SNX16: variants seen among roughly 807,000 people sequenced by gnomAD.
The protein encoded by SNX16 is sorting nexin 16, also known as sorting nexin-16.
Under a neutral mutation model 36.7 loss-of-function variants are expected in SNX16, and 35 were observed. That is an observed-to-expected ratio of 0.95 (90% confidence interval 0.73 to 1.27). The LOEUF is 1.27. SNX16 is among the 50% of genes most tolerant of loss of function. The pLI is 0.00. For missense variants in SNX16, 367 were observed against 393.6 expected, an observed-to-expected ratio of 0.93 and a Z score of 0.57; for synonymous variants, 134 against 132.0, an observed-to-expected ratio of 1.02 and a Z score of -0.10.
At position 81,801,437 on chromosome 8, in the gene SNX16, G is replaced by T; in HGVS notation, c.*60C>A. ...AGTTCTTGGTTCTTCTTTTAAAATAGTATTTGCCACTCTTCTAAATTTTTG... is the reference window on the plus strand; with the variant it reads ...AGTTCTTGGTTCTTCTTTTAAAATATTATTTGCCACTCTTCTAAATTTTTG... On this transcript the variant is annotated 3_prime_UTR_variant, in exon 8 of 8. Transcript: ENST00000345957. 2.2e-6 allele frequency: 2 copies of T among 915,868 alleles called. No homozygotes were observed. Among genetic ancestry groups the T allele is most frequent in the Non-Finnish European group, 3.3e-6 (2 of 605,130 alleles). The allele number at this position is 915,868 out of a possible 1,614,324, so 56.7% of individuals were successfully genotyped here.
At position 81,802,380 on chromosome 8, in the gene SNX16, C is replaced by A; in HGVS notation, c.938G>T (p.Arg313Ile). The A allele has an allele frequency of 6.3e-7, 1 of 1,599,540 alleles. No homozygotes were observed. The highest frequency in any genetic ancestry group is 8.5e-7 in the Non-Finnish European group (1 of 1,173,406). ...CTATCATAAATGAAATATTATATACCTAGATTCTTCATCCAGGACATCTTG... is the reference window on the plus strand; with the variant it reads ...CTATCATAAATGAAATATTATATACATAGATTCTTCATCCAGGACATCTTG... ...VDQDVLDEES[R>I]ADNKPCLSFS... The change falls in exon 7 of 8, where the codon AGA becomes ATA. Residue 313 changes from arginine to isoleucine, a missense_variant and splice_region_variant. By Grantham distance (97) the Arg-to-Ile change is moderately conservative (BLOSUM62 -3). Transcript: ENST00000345957.
intron 2 of SNX16, among the ~76,000 whole-genome samples, chr8:81,830,747 A>T (rs1006591740): frequency 6.6e-6 from 1 of 152,148 alleles, no homozygotes; most frequent in Non-Finnish European, 1.5e-5. Flanking sequence ...CATTCTCCAC[A>T]GAATTAGAAA....
In SNX16 at chr8:81,839,223, C is replaced by T. The variant is rs142673236; in HGVS notation, c.375+389G>A. On this transcript the variant is annotated intron_variant, in intron 2 of 7. Transcript: ENST00000345957. ...AAGCTGGGCATGTAATTTGGCAAGG[C>T]TAAAGAAAAGAGACCAGATGCAAAA... Among the ~76,000 whole-genome samples the T allele has an allele frequency of 3.0e-3, 449 of 152,084 alleles. 2 individuals are homozygous for T. Among genetic ancestry groups the T allele is most frequent in the African/African-American group, 0.01 (433 of 41,484 alleles).
chr8:81,805,567 G>A (rs552715124), intron 5 of SNX16, among the ~76,000 whole-genome samples: 1 of 152,140 alleles, frequency 6.6e-6, no homozygotes, highest in African/African-American at 2.4e-5. Context: ...AAAACAGTGA[G>A]ATTCAAAGTG....
At chr8:81,841,835 A>C (rs1413756111) in intron 1 of SNX16, 1 of 152,152 alleles carries the variant, frequency 6.6e-6, no homozygotes, top group Non-Finnish European at 1.5e-5. Context: ...CTCGGAAGGT[A>C]AGGCCGGGGT....
At chr8:81,839,532 AT>A in intron 2 of SNX16, 79 bp downstream of exon 2, 1 of 1,315,424 alleles carries the variant, frequency 7.6e-7, no homozygotes. Context: ...ACAAGTTTAC[AT>A]TAATTTAACA....
Position 81,811,574 on chromosome 8 carries a change from TGAG to T in SNX16, c.681+3748_681+3750del, listed in dbSNP as rs60962005. ...AAGAAAGCCAGGCTTAAAAATAAAATGAGGAAAAAAACACTGAGAAAAGACATC... is the reference window on the plus strand; with the variant it reads ...AAGAAAGCCAGGCTTAAAAATAAAATGAAAAAAACACTGAGAAAAGACATC... On this transcript the variant is annotated intron_variant, in intron 5 of 7. Transcript: ENST00000345957. Among the ~76,000 whole-genome samples, 1,388 of 151,814 alleles carry T rather than the reference TGAG, an allele frequency of 9.1e-3. 27 individuals carry two copies. Among genetic ancestry groups the T allele is most frequent in the African/African-American group, 0.031 (1,278 of 41,380 alleles).
intron 2 of SNX16, among the ~76,000 whole-genome samples, chr8:81,838,524 G>A (rs918736127): frequency 7.2e-4 from 109 of 150,766 alleles, no homozygotes; most frequent in East Asian, 3.9e-4. Flanking sequence ...AAAATGAAGA[G>A]GAGAGAGAGT....
intron 2 of SNX16, among the ~76,000 whole-genome samples, chr8:81,832,349 T>C (rs185196152): frequency 6.6e-6 from 1 of 152,136 alleles, no homozygotes; most frequent in East Asian, 1.9e-4. Flanking sequence ...CACTTATAAG[T>C]GGGAGGTAAA....
chr8:81,802,524 T>C (rs1809749651), intron 6 of SNX16, 25 bp from the exon 7 acceptor site: 1 of 1,587,486 alleles, frequency 6.3e-7, no homozygotes, highest in Admixed American at 1.8e-5. Context: ...TAGCAACAAG[T>C]TATTTTCTAT....
intron 2 of SNX16, among the ~76,000 whole-genome samples, chr8:81,837,949 T>C (rs1811563693): frequency 6.6e-6 from 1 of 152,236 alleles, no homozygotes; most frequent in Admixed American, 6.5e-5. Context: ...CCTCCCATCC[T>C]GTCATAAATT....
At chr8:81,807,647 T>G in intron 5 of SNX16, 1 of 438,858 alleles carries the variant, frequency 2.3e-6, no homozygotes, top group East Asian at 4.5e-5. Flanking sequence ...TAAATGAGGT[T>G]GGGATCACTG....
intron 3 of SNX16, among the ~76,000 whole-genome samples, chr8:81,827,570 G>A (rs561021894): frequency 2.0e-5 from 3 of 152,066 alleles, no homozygotes; most frequent in East Asian, 1.9e-4. Context: ...TATAACTGTA[G>A]GTATACATTA....
chr8:81,806,412 A>T (rs971525014), intron 5 of SNX16, among the ~76,000 whole-genome samples: 13 of 152,214 alleles, frequency 8.5e-5, no homozygotes, highest in Non-Finnish European at 1.3e-4. Context: ...AAAAAAACCC[A>T]TATGATCATC....
At chr8:81,835,462 C>T (rs1811453750) in intron 2 of SNX16, among the ~76,000 whole-genome samples, 1 of 152,210 alleles carries the variant, frequency 6.6e-6, no homozygotes, top group African/African-American at 2.4e-5. Context: ...TTCTATTGCA[C>T]TGTCAGGCTG....
intron 5 of SNX16, among the ~76,000 whole-genome samples, chr8:81,807,476 G>A (rs548871031): frequency 4.7e-5 from 6 of 128,346 alleles, no homozygotes; most frequent in South Asian, 2.5e-4. Flanking sequence ...CCAAGATGGC[G>A]CCACTGCACT....
At chr8:81,838,660 G>A (rs1811604098) in intron 2 of SNX16, among the ~76,000 whole-genome samples, 1 of 151,340 alleles carries the variant, frequency 6.6e-6, no homozygotes, top group African/African-American at 2.4e-5. Context: ...AATGTGAAAG[G>A]TCCAACAATA....
intron 5 of SNX16, among the ~76,000 whole-genome samples, chr8:81,813,575 T>C (rs1379717862): frequency 6.6e-6 from 1 of 151,622 alleles, no homozygotes; most frequent in African/African-American, 2.4e-5. Context: ...ATTAAAAAAG[T>C]GATAAAATAA....
intron 5 of SNX16, chr8:81,808,240 G>A: frequency 8.2e-7 from 1 of 1,224,290 alleles, no homozygotes; most frequent in Non-Finnish European, 1.2e-6. Flanking sequence ...TCACGACCAT[G>A]ACTCCATGGA....
Sources: allele counts gnomAD v4.1 joint callset (sites outside exome capture counted in the v4.1 genomes callset), GRCh38; gene constraint gnomAD v4.1.1; transcripts MANE v1.5; gene names NCBI Gene and HGNC (gene_info 2026-07-23, HGNC 2026-07-21).